Variants in EMC1 observed in about 807,000 individuals in gnomAD.
The protein encoded by EMC1 is KIAA0090.
A neutral mutation model predicts 128.8 loss-of-function variants in EMC1; 103 were observed. That is an observed-to-expected ratio of 0.80 (90% CI 0.68 to 0.94). EMC1 has a LOEUF of 0.94. EMC1 is among the 40% of genes least tolerant of loss of function. The pLI is 0.00. For synonymous variants in EMC1, 442 were observed against 490.4 expected (o/e 0.90, Z 1.30); for missense variants, 1,083 against 1,250.6 (o/e 0.87, Z 2.02).
chr1:19,244,981 G>A lies in EMC1; in HGVS notation c.145C>T (p.Pro49Ser). 1.2e-6 allele frequency: 2 copies of A among 1,613,858 alleles called. No individual in the cohort carries two copies. Among genetic ancestry groups the A allele is most frequent in the Non-Finnish European group, 1.7e-6 (2 of 1,179,866 alleles). Reference protein sequence around the residue: ...KVKFASLEFSPGSKKLVVATE... With the variant: ...KVKFASLEFSSGSKKLVVATE... The stretch of plus-strand genomic sequence containing the variant: ...GCTACAACCAACTTCTTGGATCCAG[G>A]GGAAAATTCCAAGGAGGCAAACTTG... The change falls in exon 2 of 23, where the codon CCT (proline) becomes TCT (serine). Residue 49 changes from proline to serine, a missense_variant. Around this residue, in one of 3 missense-constraint regions of EMC1, gnomAD observed 544 missense variants for 572.4 expected, o/e 0.95. Transcript: ENST00000477853.
intron 11 of EMC1, 109 bp downstream of exon 11, chr1:19,237,908 T>C (rs1357279726): frequency 2.9e-6 from 4 of 1,396,758 alleles, no homozygotes; most frequent in Admixed American, 2.5e-5. Flanking sequence ...CTAGAACACA[T>C]GTTTAGAGAG....
At chr1:19,230,276 AG>A (rs1212339895) in intron 17 of EMC1, among the ~76,000 whole-genome samples, 5 of 152,212 alleles carry the variant, frequency 3.3e-5, no homozygotes, top group Non-Finnish European at 7.3e-5. Flanking sequence ...TCTCTGCTAT[AG>A]AAAAATAATG....
chr1:19,235,950 C>T (rs1432533069), intron 12 of EMC1, among the ~76,000 whole-genome samples: 2 of 152,092 alleles, frequency 1.3e-5, no homozygotes, highest in Non-Finnish European at 2.9e-5. Context: ...TCTAGAGAGA[C>T]TCTTCTCGCT....
intron 11 of EMC1, 73 bp downstream of exon 11, chr1:19,237,944 C>A: frequency 1.3e-6 from 2 of 1,562,024 alleles, no homozygotes; most frequent in South Asian, 1.2e-5. Context: ...ATGGCTAAGA[C>A]CTGGCCCTGA....
intron 6 of EMC1, 139 bp from the exon 7 acceptor site, chr1:19,240,585 C>CAGGGG: frequency 1.1e-6 from 1 of 889,264 alleles, no homozygotes; most frequent in Non-Finnish European, 1.7e-6. Context: ...TATAGGAGTT[C>CAGGGG]TTCCTGTCCC....
chr1:19,240,215 G>C lies in EMC1; in HGVS notation c.786+82C>G, dbSNP rs1382283857. 3.2e-6 allele frequency: 5 copies of C among 1,552,708 alleles called. No individual in the cohort carries two copies. In the Admixed American group the frequency reaches 6.8e-5, roughly 21 times the overall value. On this transcript the variant is annotated intron_variant, in intron 7 of 22. Transcript: ENST00000477853. ...CTGCTCAGGAAGAGTCTAGGAGAAA[G>C]ACCCTCCAGGGGAATCATGCCAAAC... is the stretch of plus-strand genomic sequence containing the variant.
At chr1:19,243,791 T>C (rs2093619117) in intron 3 of EMC1, 84 bp from the exon 4 acceptor site, 3 of 1,482,930 alleles carry the variant, frequency 2.0e-6, no homozygotes, top group Non-Finnish European at 2.8e-6. Flanking sequence ...TGGCCTCACC[T>C]CTGATTTCTG....
intron 18 of EMC1, among the ~76,000 whole-genome samples, chr1:19,226,081 G>A (rs144499314): frequency 7.2e-5 from 11 of 152,220 alleles, no homozygotes; most frequent in Middle Eastern, 3.4e-3. Context: ...CAGCTTTACC[G>A]TCAAGTTCCG....
Position 19,241,432 on chromosome 1 carries a change from C to G in EMC1, c.510-290G>C, listed in dbSNP as rs377028167. On this transcript the variant is annotated intron_variant, in intron 5 of 22. Coordinates refer to ENST00000477853, the MANE Select transcript of EMC1 (RefSeq NM_015047.3). ...ACCAATCAGGTGGGTAAGGCTGCCC[C>G]CTCCAGGCAGGCCAGGAGCACTGCA... 1.9e-3 allele frequency among the ~76,000 whole-genome samples: 288 copies of G among 152,330 alleles called. 11 individuals carry two copies. In the South Asian group the frequency reaches 0.057, roughly 30 times the overall value.
intron 1 of EMC1, among the ~76,000 whole-genome samples, chr1:19,245,771 C>T (rs1572031984): frequency 6.6e-6 from 1 of 151,608 alleles, no homozygotes; most frequent in Admixed American, 6.6e-5. Flanking sequence ...ATTACAGGCA[C>T]CTGCCACCAC....
At position 19,230,962 on chromosome 1, in the gene EMC1, A is replaced by C. The variant is rs771528449; in HGVS notation, c.1946T>G (p.Val649Gly). 5 of 1,613,864 alleles carry C rather than the reference A, an allele frequency of 3.1e-6. No individual in the cohort carries two copies. In the East Asian group the frequency reaches 8.9e-5, roughly 29 times the overall value. The change falls in exon 17 of 23, where the codon GTC becomes GGC. Residue 649 changes from valine to glycine, a missense_variant and splice_region_variant. Physicochemically the swap from Val to Gly is moderately radical, Grantham distance 109. Coordinates refer to ENST00000477853, the MANE Select transcript of EMC1 (RefSeq NM_015047.3). ...ATTCCGAGTGGCTGGAAAAGCTGTG[A>C]CCTTGAAAAACCCAGAGAGCCCAAG... Reference protein sequence around the residue: ...VLLLIDDEYKVTAFPATRNVL... With the variant: ...VLLLIDDEYKGTAFPATRNVL...
At chr1:19,247,726 C>T (rs763434047) in intron 1 of EMC1, among the ~76,000 whole-genome samples, 3 of 152,116 alleles carry the variant, frequency 2.0e-5, no homozygotes, top group Non-Finnish European at 4.4e-5. Flanking sequence ...CATGCAGGTG[C>T]TTCAAGAGGT....
intron 17 of EMC1, among the ~76,000 whole-genome samples, chr1:19,229,923 G>C (rs1010147153): frequency 2.6e-5 from 4 of 152,174 alleles, no homozygotes; most frequent in Admixed American, 2.6e-4. Flanking sequence ...CTAGCAAATT[G>C]GTTAAACTCT....
intron 10 of EMC1, among the ~76,000 whole-genome samples, chr1:19,238,373 G>GT (rs1283618707): frequency 6.6e-6 from 1 of 152,240 alleles, no homozygotes; most frequent in South Asian, 2.1e-4. Flanking sequence ...CCAGTACAGA[G>GT]TAGCAGAGAC....
Position 19,242,339 on chromosome 1 carries a change from C to G in EMC1, c.509+6G>C, listed in dbSNP as rs775830695. 6.2e-7 allele frequency: 1 copy of G among 1,614,146 alleles called. No homozygotes were observed. The highest frequency in any genetic ancestry group is 1.7e-5 in the Admixed American group (1 of 60,018). On this transcript the variant is annotated splice_donor_region_variant and intron_variant, in intron 5 of 22. Transcript: ENST00000477853. ...GCAGCTATTGCCTGTGAGCAGGCAG[C>G]CTTACCTTTCTGGGAGATGTTCCAC...
At position 19,219,042 on chromosome 1, in the gene EMC1, G is replaced by A. The variant is rs1035752023; in HGVS notation, c.*261C>T. ...GGCAAAGAAAGGAAACAATGCAGAC[G>A]CCTTTGGACTTCAAGAGAAAGCCCA... On this transcript the variant is annotated 3_prime_UTR_variant, in exon 23 of 23. Transcript: ENST00000477853. The A allele has an allele frequency of 6.8e-5, 26 of 381,580 alleles. No individual in the cohort carries two copies. Among genetic ancestry groups the A allele is most frequent in the Admixed American group, 4.5e-4 (11 of 24,584 alleles). The allele number at this position is 381,580 out of a possible 1,614,324, so 23.6% of individuals were successfully genotyped here.
Position 19,223,555 on chromosome 1 carries a change from GT to G in EMC1, c.2216del (p.Asn739ThrfsTer6), listed in dbSNP as rs766168717. On this transcript the variant is annotated frameshift_variant, in exon 19 of 23. Transcript: ENST00000477853. LOFTEE classifies it high-confidence loss of function. ...TGCTCTCTGTCACCACGGCCAGCAG[GT>G]TGGGGTTCAGGCTCTGGAGAGAGAG... ...RSVLYKSLNP[N>X]LLAVVTESTD... The G allele has an allele frequency of 3.7e-6, 6 of 1,613,876 alleles. No homozygotes were observed. Among genetic ancestry groups the G allele is most frequent in the South Asian group, 1.1e-5 (1 of 91,082 alleles).
rs998561120 is a variant in EMC1, at chr1:19,244,686, C to G, written c.220+220G>C. ...TGCAGCAATATCTTATTTAAGGACA[C>G]TCAGGATTCAAGCTGAGAGAACAAA... On this transcript the variant is annotated intron_variant, in intron 2 of 22. Coordinates refer to ENST00000477853, the MANE Select transcript of EMC1 (RefSeq NM_015047.3). 1.8e-5 allele frequency: 8 copies of G among 451,232 alleles called. No individual in the cohort carries two copies. In the Admixed American group the frequency reaches 2.9e-4, roughly 16 times the overall value. 28.0% of individuals were successfully genotyped at this position (451,232 alleles called of 1,614,324 possible). A position where few individuals can be genotyped will look rare whatever the true frequency, so the allele number is the denominator to read the frequency against.
At chr1:19,234,705 G>A (rs2093550055) in intron 13 of EMC1, among the ~76,000 whole-genome samples, 1 of 152,128 alleles carries the variant, frequency 6.6e-6, no homozygotes, top group African/African-American at 2.4e-5. Flanking sequence ...AATTAACCGG[G>A]CATGGTGGCG....
Sources: gnomAD v4.1 joint callset for allele counts (sites outside exome capture counted in the v4.1 genomes callset) on GRCh38, gnomAD v4.1.1 for gene constraint, gnomAD v4.1.1 regional missense constraint, MANE v1.5 for transcripts, NCBI Gene and HGNC (gene_info 2026-07-23, HGNC 2026-07-21) for gene names.